ITCH: variants seen among roughly 807,000 people sequenced by gnomAD.
The protein encoded by ITCH is E3 ubiquitin-protein ligase Itchy homolog.
In ITCH, 28 loss-of-function variants were observed where a neutral mutation model predicts 126.8. The ratio of observed to expected loss-of-function variants is 0.22; its 90% CI spans 0.16 to 0.30. ITCH has a LOEUF of 0.30. ITCH is among the 10% of genes least tolerant of loss of function. The pLI, the probability that ITCH is intolerant of heterozygous loss-of-function variation, is 1.00. For synonymous variants in ITCH, 342 were observed against 340.0 expected, an observed-to-expected ratio of 1.01 and a Z score of -0.06; for missense variants, 631 against 1,032.4, an observed-to-expected ratio of 0.61 and a Z score of 5.33.
At position 34,409,148 on chromosome 20, in the gene ITCH, C is replaced by G. The variant is rs565262542; in HGVS notation, c.212+356C>G. On this transcript the variant is annotated intron_variant, in intron 4 of 24. Coordinates refer to ENST00000374864, the MANE Select transcript of ITCH (RefSeq NM_031483.7). ...AAGGGATTATGAGTACTCCCCCCCC[C>G]CCCGGTTTTTAACTTAATTTTTAAA... Among the ~76,000 whole-genome samples the G allele has an allele frequency of 3.1e-4, 43 of 137,402 alleles. 3 individuals carry two copies. The highest frequency in any genetic ancestry group is 1.1e-3 in the African/African-American group (41 of 37,538). 90.1% of individuals were successfully genotyped at this position (137,402 alleles called of 152,430 possible).
intron 24 of ITCH, among the ~76,000 whole-genome samples, chr20:34,505,847 C>A (rs527756878): frequency 1.3e-5 from 2 of 152,194 alleles, no homozygotes; most frequent in Non-Finnish European, 2.9e-5. Context: ...AGCCACTGCC[C>A]CCAGCCAAAA....
chr20:34,400,265 T>C (rs1333200116), intron 3 of ITCH, among the ~76,000 whole-genome samples: 1 of 152,104 alleles, frequency 6.6e-6, no homozygotes, highest in Non-Finnish European at 1.5e-5. Flanking sequence ...AAACAAGGTC[T>C]TGCTATGTTG....
chr20:34,477,124 AAACCAAACCTAAT>A (rs1236514216), intron 16 of ITCH, among the ~76,000 whole-genome samples: 7 of 152,210 alleles, frequency 4.6e-5, no homozygotes, highest in African/African-American at 1.2e-4. Flanking sequence ...CTATGAGTCA[AAACCAAACCTAAT>A]AACCAAACCA....
At chr20:34,426,342 T>C (rs1244198393) in intron 7 of ITCH, among the ~76,000 whole-genome samples, 2 of 152,292 alleles carry the variant, frequency 1.3e-5, no homozygotes, top group African/African-American at 4.8e-5. Flanking sequence ...GTGAAGAAAG[T>C]AGAACAAAAT....
intron 2 of ITCH, among the ~76,000 whole-genome samples, chr20:34,378,989 C>T (rs1186883747): frequency 6.6e-6 from 1 of 151,952 alleles, no homozygotes; most frequent in East Asian, 1.9e-4. Context: ...TTTTTCTGTT[C>T]TTAAGTTTTT....
At chr20:34,414,051 A>G (rs1979450589) in intron 6 of ITCH, among the ~76,000 whole-genome samples, 172 bp downstream of exon 6, 1 of 151,686 alleles carries the variant, frequency 6.6e-6, no homozygotes, top group Non-Finnish European at 1.5e-5. Context: ...GCTGAGGCAG[A>G]AAGATTGCTT....
intron 22 of ITCH, among the ~76,000 whole-genome samples, chr20:34,491,793 A>G (rs1989534918): frequency 6.6e-6 from 1 of 152,256 alleles, no homozygotes. Context: ...ATTGTATGAA[A>G]TAAAAACCAC....
chr20:34,480,741 C>T lies in ITCH; in HGVS notation c.1952+9C>T, dbSNP rs779013000. 1.9e-6 allele frequency: 3 copies of T among 1,587,680 alleles called. No individual in the cohort carries two copies. The highest frequency in any genetic ancestry group is 4.5e-5 in the East Asian group (2 of 44,620). On this transcript the variant is annotated intron_variant, in intron 19 of 24. Coordinates refer to ENST00000374864, the MANE Select transcript of ITCH (RefSeq NM_031483.7). ...TCTCTCATCTGGGTTAAGTAAGTTT[C>T]TTTTTCCATGTAATTTATTAAAATA...
At chr20:34,416,076 A>G (rs967718746) in intron 6 of ITCH, among the ~76,000 whole-genome samples, 1 of 150,260 alleles carries the variant, frequency 6.7e-6, no homozygotes, top group African/African-American at 2.5e-5. Context: ...GAGCCAAGAT[A>G]GTGCCACTGC....
intron 16 of ITCH, among the ~76,000 whole-genome samples, chr20:34,475,056 T>G (rs1181674115): frequency 3.9e-5 from 5 of 127,566 alleles, no homozygotes; most frequent in East Asian, 2.4e-4. Context: ...TCCCAGACCA[T>G]GGGCGGCCGG....
At chr20:34,381,767 G>A (rs1282874428) in intron 2 of ITCH, among the ~76,000 whole-genome samples, 2 of 151,690 alleles carry the variant, frequency 1.3e-5, no homozygotes, top group Admixed American at 1.3e-4. Context: ...GGGAGAATGA[G>A]GCAGTAGGAT....
intron 23 of ITCH, among the ~76,000 whole-genome samples, chr20:34,500,779 T>G (rs1266100225): frequency 6.6e-6 from 1 of 152,170 alleles, no homozygotes; most frequent in Non-Finnish European, 1.5e-5. Context: ...TCATTATGGT[T>G]TTTGTGGTTT....
At chr20:34,482,170 G>A (rs138560843) in intron 20 of ITCH, among the ~76,000 whole-genome samples, 175 of 152,318 alleles carry the variant, frequency 1.1e-3, no homozygotes, top group Non-Finnish European at 2.1e-3. Context: ...GCTACAAGGT[G>A]AGATTTGGGT....
chr20:34,431,815 G>T (rs781455501), intron 7 of ITCH, among the ~76,000 whole-genome samples: 1 of 151,998 alleles, frequency 6.6e-6, no homozygotes, highest in Non-Finnish European at 1.5e-5. Flanking sequence ...CAAGGTGGGC[G>T]GATCACTTGA....
rs545277182 is a variant in ITCH at position 34,408,803 on chromosome 20, A to G, written c.212+11A>G. 4.3e-6 allele frequency: 7 copies of G among 1,613,402 alleles called. No individual in the cohort carries two copies. The South Asian group carries it at 7.7e-5, about 18-fold the overall frequency. ...GCAACCCCTTACAGTGTAAGCTTGG[A>G]AGTATTTTTCTGTAGTATGTTTTGT... On this transcript the variant is annotated intron_variant, in intron 4 of 24. Coordinates refer to ENST00000374864, the MANE Select transcript of ITCH (RefSeq NM_031483.7).
intron 2 of ITCH, among the ~76,000 whole-genome samples, chr20:34,391,247 A>G (rs969329607): frequency 2.0e-5 from 3 of 152,244 alleles, no homozygotes; most frequent in Non-Finnish European, 4.4e-5. Context: ...ATACAAAACT[A>G]CAGTTCCCTA....
Position 34,462,202 on chromosome 20 carries a change from C to T in ITCH, c.1405C>T (p.Arg469Cys), listed in dbSNP as rs201066823. The T allele has an allele frequency of 4.3e-6, 7 of 1,613,718 alleles. No individual in the cohort carries two copies. Among genetic ancestry groups the T allele is most frequent in the Non-Finnish European group, 5.9e-6 (7 of 1,179,772 alleles). The change falls in exon 14 of 25, where the codon CGC (arginine) becomes TGC (cysteine). Residue 469 changes from arginine (R) to cysteine (C), a missense_variant. Arg to Cys is a radical substitution (Grantham distance 180). This residue lies in a region of ITCH where 390 missense variants were observed against 731.6 expected (regional missense o/e 0.53). Coordinates refer to ENST00000374864, the MANE Select transcript of ITCH (RefSeq NM_031483.7). ...NRRTTTYIDP[R>C]TGKSALDNGP... ...AAGAACTACCACCTATATAGATCCC[C>T]GCACAGGAAAATCTGCCCTGTAAGT...
chr20:34,489,046 TAAAG>T (rs1171056525), intron 20 of ITCH, among the ~76,000 whole-genome samples: 2 of 152,110 alleles, frequency 1.3e-5, no homozygotes, highest in South Asian at 2.1e-4. Flanking sequence ...CTCAAATAAA[TAAAG>T]AAATGAAATT....
chr20:34,483,904 A>G (rs1438818241), intron 20 of ITCH, among the ~76,000 whole-genome samples: 1 of 152,202 alleles, frequency 6.6e-6, no homozygotes, highest in East Asian at 1.9e-4. Context: ...CCTCACAATC[A>G]TGGTGGAAGG....
Sources: allele counts gnomAD v4.1 joint callset (sites outside exome capture counted in the v4.1 genomes callset), GRCh38; gene constraint gnomAD v4.1.1; regional missense constraint gnomAD v4.1.1; transcripts MANE v1.5; gene names NCBI Gene and HGNC (gene_info 2026-07-23, HGNC 2026-07-21).